Variants in TMEM45A observed in about 807,000 individuals in gnomAD.
The protein encoded by TMEM45A is transmembrane protein 45A.
A neutral mutation model predicts 32.0 loss-of-function variants in TMEM45A; 25 were observed. The ratio of observed to expected loss-of-function variants is 0.78; its 90% confidence interval spans 0.57 to 1.09. The LOEUF (loss-of-function observed/expected upper bound fraction) is 1.09, where lower values mean the gene tolerates loss of function less well. Ranked by LOEUF, TMEM45A falls within the 50% of genes least tolerant of loss-of-function variation. The pLI, the probability that TMEM45A is intolerant of heterozygous loss-of-function variation, is 0.00. For synonymous variants in TMEM45A, 122 were observed against 114.8 expected, an observed-to-expected ratio of 1.06 and a Z score of -0.40; for missense variants, 302 against 325.0, an observed-to-expected ratio of 0.93 and a Z score of 0.54.
Position 100,551,453 on chromosome 3 carries a change from C to G in TMEM45A, c.-3-3756C>G, listed in dbSNP as rs1405123167. ...TGTTCTCTTTGGTGGGCGAGGAAAG[C>G]CCCGTGGTCTCCTTCAAACGAGAAT... On this transcript the variant is annotated intron_variant, in intron 1 of 5. Coordinates refer to ENST00000323523, the MANE Select transcript of TMEM45A (RefSeq NM_018004.3). 2.0e-5 allele frequency among the ~76,000 whole-genome samples: 3 copies of G among 152,244 alleles called. No individual in the cohort carries two copies. The East Asian group carries it at 5.8e-4, about 29-fold the overall frequency.
intron 1 of TMEM45A, among the ~76,000 whole-genome samples, chr3:100,514,227 A>G (rs370005004): frequency 6.6e-6 from 1 of 152,202 alleles, no homozygotes; most frequent in Non-Finnish European, 1.5e-5. Flanking sequence ...TTCAAACTAT[A>G]CTACAAGGCT....
At chr3:100,520,201 G>T (rs538631634) in intron 1 of TMEM45A, among the ~76,000 whole-genome samples, 1 of 152,322 alleles carries the variant, frequency 6.6e-6, no homozygotes, top group East Asian at 1.9e-4. Context: ...GGAAAAGAGG[G>T]TAGGGTATTG....
intron 1 of TMEM45A, chr3:100,519,689 TG>T: frequency 7.4e-7 from 1 of 1,346,246 alleles, no homozygotes; most frequent in Non-Finnish European, 1.0e-6. Flanking sequence ...AGACCTAGTT[TG>T]AACCTGACTG....
At chr3:100,504,874 G>C (rs1708057866) in intron 1 of TMEM45A, among the ~76,000 whole-genome samples, 1 of 152,198 alleles carries the variant, frequency 6.6e-6, no homozygotes. Flanking sequence ...GCAAAACTGT[G>C]CTTATGTAGT....
Position 100,576,999 on chromosome 3 carries a change from A to C in TMEM45A, c.809A>C (p.Glu270Ala). ...GLLKNAEREQESEEEM is the reference protein window; with the variant it reads ...GLLKNAEREQASEEEM ...CTGAAAAATGCTGAACGAGAACAAG[A>C]ATCAGAAGAAGAAATGTGACTTTGA... The change falls in exon 6 of 6, where the codon GAA becomes GCA. Residue 270 changes from glutamate (E) to alanine (A), a missense_variant. Transcript: ENST00000323523. The C allele has an allele frequency of 6.2e-7, 1 of 1,613,262 alleles. No homozygotes were observed. The highest frequency in any genetic ancestry group is 1.1e-5 in the South Asian group (1 of 91,006).
intron 1 of TMEM45A, among the ~76,000 whole-genome samples, chr3:100,541,524 C>CTTTTTTTTTTTTTTTT (rs61341173): frequency 9.0e-6 from 1 of 111,268 alleles, no homozygotes; most frequent in Non-Finnish European, 1.8e-5. Flanking sequence ...CTTTTCTTTC[C>CTTTTTTTTTTTTTTTT]TTTTTTTTTT....
intron 4 of TMEM45A, among the ~76,000 whole-genome samples, chr3:100,567,856 C>T (rs984446706): frequency 1.3e-5 from 2 of 152,164 alleles, no homozygotes; most frequent in African/African-American, 2.4e-5. Context: ...ACAATCTCGG[C>T]TCACTGCAAG....
intron 1 of TMEM45A, among the ~76,000 whole-genome samples, chr3:100,495,994 A>T (rs563900078): frequency 6.6e-6 from 1 of 152,336 alleles, no homozygotes; most frequent in Non-Finnish European, 1.5e-5. Context: ...TGAAGTAGAT[A>T]AGAACTGTAA....
intron 1 of TMEM45A, among the ~76,000 whole-genome samples, chr3:100,526,655 C>G (rs1367779991): frequency 2.6e-5 from 4 of 152,096 alleles, no homozygotes; most frequent in African/African-American, 9.7e-5. Flanking sequence ...GGCAAGTTAG[C>G]CATAAAGAAC....
chr3:100,513,663 T>A (rs1399517163), intron 1 of TMEM45A, among the ~76,000 whole-genome samples: 6 of 150,510 alleles, frequency 4.0e-5, no homozygotes, highest in Non-Finnish European at 7.4e-5. Flanking sequence ...GGGTATTCAA[T>A]TAGGAAAAGA....
At chr3:100,527,909 A>T (rs114903452) in intron 1 of TMEM45A, among the ~76,000 whole-genome samples, 1 of 152,206 alleles carries the variant, frequency 6.6e-6, no homozygotes, top group South Asian at 2.1e-4. Flanking sequence ...ACACCAGATA[A>T]GACTGGTGTT....
chr3:100,503,081 TTCTTCCTCTTCTTCC>T (rs1473116577), intron 1 of TMEM45A, among the ~76,000 whole-genome samples: 3 of 151,186 alleles, frequency 2.0e-5, no homozygotes, highest in Admixed American at 1.3e-4. Context: ...CTCCTCCTCC[TTCTTCCTCTTCTTCC>T]TCTTCCTCTT....
chr3:100,561,631 T>G (rs1706332927), intron 4 of TMEM45A, among the ~76,000 whole-genome samples: 3 of 152,296 alleles, frequency 2.0e-5, no homozygotes, highest in Middle Eastern at 3.4e-3. Context: ...GCAAGCCCCT[T>G]TATACTATGA....
chr3:100,503,956 G>A (rs1395190250), intron 1 of TMEM45A, among the ~76,000 whole-genome samples: 1 of 152,206 alleles, frequency 6.6e-6, no homozygotes, highest in Non-Finnish European at 1.5e-5. Flanking sequence ...ATGAAACAAT[G>A]TTATTGGTTG....
chr3:100,538,132 C>T (rs1454834917), intron 1 of TMEM45A, among the ~76,000 whole-genome samples: 1 of 152,156 alleles, frequency 6.6e-6, no homozygotes, highest in Admixed American at 6.5e-5. Flanking sequence ...ATTTACCTTT[C>T]TGGATGTCTT....
intron 1 of TMEM45A, among the ~76,000 whole-genome samples, chr3:100,493,817 T>C (rs886396398): frequency 6.6e-6 from 1 of 152,132 alleles, no homozygotes; most frequent in South Asian, 2.1e-4. Context: ...CTGGAACCTC[T>C]GCCTCCCGGG....
intron 1 of TMEM45A, among the ~76,000 whole-genome samples, chr3:100,500,442 G>T (rs565098864): frequency 2.0e-5 from 3 of 151,768 alleles, no homozygotes; most frequent in Admixed American, 1.3e-4. Flanking sequence ...TCTATAACAC[G>T]TAACAGTGGT....
chr3:100,520,326 C>T (rs893529051), intron 1 of TMEM45A, among the ~76,000 whole-genome samples: 4 of 152,114 alleles, frequency 2.6e-5, no homozygotes, highest in South Asian at 4.1e-4. Flanking sequence ...CAGCAGTGCT[C>T]GTTGCCTTGT....
chr3:100,544,632 T>A (rs1705949807), intron 1 of TMEM45A, among the ~76,000 whole-genome samples: 1 of 152,224 alleles, frequency 6.6e-6, no homozygotes, highest in Admixed American at 6.5e-5. Flanking sequence ...CTTTAGTGTC[T>A]GTTTTGTTTC....
Sources: allele counts gnomAD v4.1 joint callset (sites outside exome capture counted in the v4.1 genomes callset), GRCh38; gene constraint gnomAD v4.1.1; transcripts MANE v1.5; gene names NCBI Gene and HGNC (gene_info 2026-07-23, HGNC 2026-07-21).